Variants in SIK2 observed in about 807,000 individuals in gnomAD.
SIK2 encodes serine/threonine-protein kinase SIK2.
SIK2 carries 29 observed loss-of-function variants against 103.2 expected under a neutral mutation model. The ratio of observed to expected loss-of-function variants is 0.28; its 90% CI spans 0.21 to 0.38. The LOEUF is 0.38. Among genes scored for constraint, SIK2 ranks in the 10% least tolerant of loss-of-function variants. The pLI is 1.00. For synonymous variants in SIK2, 412 were observed against 446.1 expected (o/e 0.92, Z 0.96); for missense variants, 879 against 1,171.0 (o/e 0.75, Z 3.64).
rs146169031 is a variant in SIK2, at chr11:111,615,011, C to G, written c.136-1232C>G. Among the ~76,000 whole-genome samples the G allele has an allele frequency of 3.7e-3, 559 of 152,146 alleles. 12 individuals carry two copies. The East Asian group carries it at 0.077, about 21-fold the overall frequency. On this transcript the variant is annotated intron_variant, in intron 1 of 14. Transcript: ENST00000304987. ...AAAATTAGCCAGACGTGGTGGCACA[C>G]ACCTGTAATCCCAGCTACTTGGGAA...
intron 3 of SIK2, among the ~76,000 whole-genome samples, chr11:111,663,524 A>C (rs1942495375): frequency 6.6e-6 from 1 of 152,092 alleles, no homozygotes; most frequent in Non-Finnish European, 1.5e-5. Flanking sequence ...GAGACTTGGA[A>C]TTTTGTACTG....
At position 111,705,395 on chromosome 11, in the gene SIK2, T is replaced by C. The variant is rs1021485363; in HGVS notation, c.1101+256T>C. 3.3e-5 allele frequency among the ~76,000 whole-genome samples: 5 copies of C among 152,242 alleles called. No homozygotes were observed. The highest frequency in any genetic ancestry group is 1.2e-4 in the African/African-American group (5 of 41,458). ...AGAATTACTATCACTAGCCTTTACATTCAATTCCATTTAACAAATTTTTAT... is the reference window on the plus strand; with the variant it reads ...AGAATTACTATCACTAGCCTTTACACTCAATTCCATTTAACAAATTTTTAT... On this transcript the variant is annotated intron_variant, in intron 8 of 14. Coordinates refer to ENST00000304987, the MANE Select transcript of SIK2 (RefSeq NM_015191.3). This position sits in a 1 kb window ranked among gnomAD's most constrained non-coding sequence, Gnocchi z 4.3.
intron 1 of SIK2, among the ~76,000 whole-genome samples, chr11:111,603,779 CTGTT>C (rs1454988330): frequency 6.6e-6 from 1 of 152,164 alleles, no homozygotes; most frequent in Non-Finnish European, 1.5e-5. Context: ...CATCCTTTTC[CTGTT>C]TGTTTGCCCT....
At chr11:111,704,657 A>G (rs1374141222) in intron 7 of SIK2, among the ~76,000 whole-genome samples, 4 of 152,180 alleles carry the variant, frequency 2.6e-5, no homozygotes, top group African/African-American at 9.6e-5. Context: ...CGTTACAGCT[A>G]TGAGATGGGG....
At chr11:111,617,888 G>T (rs371405577) in intron 2 of SIK2, among the ~76,000 whole-genome samples, 9 of 151,220 alleles carry the variant, frequency 6.0e-5, no homozygotes, top group African/African-American at 1.9e-4. Flanking sequence ...ACATATATTT[G>T]GCAACTTTAT....
Position 111,722,989 on chromosome 11 carries a change from G to A in SIK2, c.2147+233G>A, listed in dbSNP as rs944814331. On this transcript the variant is annotated intron_variant, in intron 14 of 14. Transcript: ENST00000304987. The surrounding 1 kb of genome is among the most constrained non-coding windows in gnomAD (Gnocchi z 4.4). ...TACTTTGTTTTCCTTTTCTTCTAGC[G>A]TTTCCTCTTTGGGGTATGACTAGCT... Among the ~76,000 whole-genome samples the A allele has an allele frequency of 3.3e-5, 5 of 152,170 alleles. No individual in the cohort carries two copies. Among genetic ancestry groups the A allele is most frequent in the Admixed American group, 2.0e-4 (3 of 15,264 alleles).
chr11:111,719,423 C>T (rs1213138761), intron 9 of SIK2, among the ~76,000 whole-genome samples: 10 of 145,632 alleles, frequency 6.9e-5, no homozygotes, highest in African/African-American at 2.5e-4. Flanking sequence ...CATCTTCCCC[C>T]TCTTCATTTC....
chr11:111,607,879 G>T (rs1290202935), intron 1 of SIK2, among the ~76,000 whole-genome samples: 4 of 152,150 alleles, frequency 2.6e-5, no homozygotes, highest in African/African-American at 4.8e-5. Flanking sequence ...AATGTGTTCT[G>T]ATTTTAAACC....
chr11:111,671,424 C>T (rs1404812074), intron 3 of SIK2: 1 of 243,118 alleles, frequency 4.1e-6, no homozygotes, highest in Non-Finnish European at 8.2e-6. Flanking sequence ...GGGAAGCCCT[C>T]GGTCTCTGAG....
At chr11:111,632,552 T>C (rs1336279471) in intron 3 of SIK2, among the ~76,000 whole-genome samples, 1 of 152,128 alleles carries the variant, frequency 6.6e-6, no homozygotes, top group Non-Finnish European at 1.5e-5. Flanking sequence ...CCTTATAAGA[T>C]GGATTTTACA....
chr11:111,676,852 T>A (rs1326123195), intron 3 of SIK2, among the ~76,000 whole-genome samples: 1 of 152,230 alleles, frequency 6.6e-6, no homozygotes, highest in Non-Finnish European at 1.5e-5. Context: ...TAAGAAATAA[T>A]TGCATATCAA....
intron 3 of SIK2, among the ~76,000 whole-genome samples, chr11:111,649,927 G>A (rs751367248): frequency 4.6e-5 from 7 of 152,034 alleles, no homozygotes; most frequent in Non-Finnish European, 8.8e-5. Flanking sequence ...ATATCCAGAA[G>A]TTGACCTAGG....
chr11:111,614,615 T>G (rs1001691597), intron 1 of SIK2, among the ~76,000 whole-genome samples: 1 of 152,040 alleles, frequency 6.6e-6, no homozygotes, highest in African/African-American at 2.4e-5. Context: ...TCACATTGAG[T>G]GGGCTGAGGA....
At chr11:111,631,930 T>C (rs995252825) in intron 3 of SIK2, among the ~76,000 whole-genome samples, 4 of 152,216 alleles carry the variant, frequency 2.6e-5, no homozygotes, top group Non-Finnish European at 5.9e-5. Flanking sequence ...GAGGCTCTGA[T>C]GGTTATCCTT....
At chr11:111,653,511 G>A (rs1217938289) in intron 3 of SIK2, among the ~76,000 whole-genome samples, 1 of 152,206 alleles carries the variant, frequency 6.6e-6, no homozygotes, top group Non-Finnish European at 1.5e-5. Context: ...GTGAGAAAGG[G>A]AATTGGCATT....
chr11:111,730,558 A>G lies in SIK2; in HGVS notation c.*6429A>G, dbSNP rs566481521. The G allele has an allele frequency of 3.9e-5, 6 of 152,294 alleles. No homozygotes were observed. In the East Asian group the frequency reaches 9.6e-4, roughly 24 times the overall value. 9.4% of individuals were successfully genotyped at this position (152,294 alleles called of 1,614,324 possible). Reference sequence around the variant, plus strand: ...TTGGTCTGAAAGAGTTACTTTTGATAAAGTTAATCTAACTGTAGTTATATT... The same window carrying G: ...TTGGTCTGAAAGAGTTACTTTTGATGAAGTTAATCTAACTGTAGTTATATT... On this transcript the variant is annotated 3_prime_UTR_variant, in exon 15 of 15. Transcript: ENST00000304987.
At chr11:111,613,804 T>A (rs1941763573) in intron 1 of SIK2, among the ~76,000 whole-genome samples, 1 of 152,130 alleles carries the variant, frequency 6.6e-6, no homozygotes, top group African/African-American at 2.4e-5. Flanking sequence ...GGCGATAAAT[T>A]TAATTTTATA....
chr11:111,694,462 G>A (rs1943024116), intron 4 of SIK2, among the ~76,000 whole-genome samples: 1 of 152,020 alleles, frequency 6.6e-6, no homozygotes, highest in Non-Finnish European at 1.5e-5. Context: ...TGAGGCAGTG[G>A]CCCATCATTG....
chr11:111,720,079 A>G (rs1943756944), intron 10 of SIK2, 76 bp downstream of exon 10: 1 of 1,424,770 alleles, frequency 7.0e-7, no homozygotes, highest in South Asian at 1.2e-5. Context: ...AGTGGTCACG[A>G]TGCCAGCCAA....
Sources: allele counts gnomAD v4.1 joint callset (sites outside exome capture counted in the v4.1 genomes callset), GRCh38; gene constraint gnomAD v4.1.1; non-coding constraint Gnocchi (gnomAD v3.1); transcripts MANE v1.5; gene names NCBI Gene and HGNC (gene_info 2026-07-23, HGNC 2026-07-21).